Variants in TMEM72 observed in about 807,000 individuals in gnomAD.
TMEM72 encodes transmembrane protein 72.
In TMEM72, 9 loss-of-function variants were observed where a neutral mutation model predicts 16.3. That is an observed-to-expected ratio of 0.55 (90% CI 0.33 to 0.96). The LOEUF is 0.96. Among genes scored for constraint, TMEM72 ranks in the 40% least tolerant of loss-of-function variants. TMEM72 has a pLI of 0.03. For missense variants in TMEM72, 324 were observed against 337.8 expected (o/e 0.96, Z 0.32); for synonymous variants, 160 against 146.5 (o/e 1.09, Z -0.66).
rs1020096949 is a variant in TMEM72, at chr10:44,934,944, C to T, written c.638C>T (p.Ala213Val). The stretch of plus-strand genomic sequence containing the variant: ...CTGATGGAGCTGAGCCTGGAGCCAG[C>T]CGACTCCCTGGCCAAGAAGAAGCAG... ...NTLMELSLEP[A>V]DSLAKKKQVH... The change falls in exon 5 of 5, where the codon GCC becomes GTC. Residue 213 changes from alanine (A) to valine (V), a missense_variant. Transcript: ENST00000389583. 6.2e-7 allele frequency: 1 copy of T among 1,613,866 alleles called. No homozygotes were observed. Among genetic ancestry groups the T allele is most frequent in the African/African-American group, 1.3e-5 (1 of 75,070 alleles).
At chr10:44,913,450 A>ACG (rs919947680) in intron 1 of TMEM72, among the ~76,000 whole-genome samples, 72 of 146,432 alleles carry the variant, frequency 4.9e-4, no homozygotes, top group African/African-American at 1.9e-3. Flanking sequence ...TCCCATGTGC[A>ACG]CGCACACACA....
chr10:44,927,901 C>A lies in TMEM72; in HGVS notation c.71-20C>A. 1 of 1,613,608 alleles carries A rather than the reference C, an allele frequency of 6.2e-7. No individual in the cohort carries two copies. The highest frequency in any genetic ancestry group is 8.5e-7 in the Non-Finnish European group (1 of 1,179,840). On this transcript the variant is annotated intron_variant, in intron 1 of 4. Coordinates refer to ENST00000389583, the MANE Select transcript of TMEM72 (RefSeq NM_001123376.3). Reference sequence around the variant, plus strand: ...GTGTAGAGCACCAGGCCCACTCTTCCTTCTTCTCTTGCCCCTTAGTGTTGA... The same window carrying A: ...GTGTAGAGCACCAGGCCCACTCTTCATTCTTCTCTTGCCCCTTAGTGTTGA...
chr10:44,926,340 C>T (rs929840442), intron 1 of TMEM72, among the ~76,000 whole-genome samples: 4 of 152,164 alleles, frequency 2.6e-5, no homozygotes, highest in African/African-American at 4.8e-5. Context: ...TAGGCCCTCA[C>T]TGTCCAGCAT....
chr10:44,934,088 G>A (rs1249573172), intron 4 of TMEM72, among the ~76,000 whole-genome samples: 1 of 152,072 alleles, frequency 6.6e-6, no homozygotes, highest in African/African-American at 2.4e-5. Flanking sequence ...GGTGTGACAT[G>A]GCCACTTCCC....
chr10:44,927,996 G>C lies in TMEM72; in HGVS notation c.137+9G>C, dbSNP rs769046008. On this transcript the variant is annotated intron_variant, in intron 2 of 4. Coordinates refer to ENST00000389583, the MANE Select transcript of TMEM72 (RefSeq NM_001123376.3). ...CTGGCTTTCTATCTGCTGTGAGTAT[G>C]TGTGCATGTGCCACTTTTGACCTGC... 6.2e-7 allele frequency: 1 copy of C among 1,613,074 alleles called. No individual in the cohort carries two copies. Among genetic ancestry groups the C allele is most frequent in the African/African-American group, 1.3e-5 (1 of 74,908 alleles).
chr10:44,927,058 A>G (rs984642393), intron 1 of TMEM72, among the ~76,000 whole-genome samples: 1 of 152,154 alleles, frequency 6.6e-6, no homozygotes, highest in African/African-American at 2.4e-5. Context: ...ACTGGGAGGA[A>G]GAGAGGATGA....
Position 44,931,981 on chromosome 10 carries a change from C to G in TMEM72, c.138-17C>G, listed in dbSNP as rs201042333. On this transcript the variant is annotated splice_polypyrimidine_tract_variant and intron_variant, in intron 2 of 4. Coordinates refer to ENST00000389583, the MANE Select transcript of TMEM72 (RefSeq NM_001123376.3). ...AAGACAGAGGCGCCAGCCTCCCTCA[C>G]CTGTCTCCACCTGCAGGTTTACAGG... 1.2e-6 allele frequency: 2 copies of G among 1,609,664 alleles called. No individual in the cohort carries two copies. Among genetic ancestry groups the G allele is most frequent in the South Asian group, 1.1e-5 (1 of 90,008 alleles).
intron 1 of TMEM72, among the ~76,000 whole-genome samples, chr10:44,927,452 G>A (rs1840214119): frequency 8.0e-6 from 1 of 125,490 alleles, no homozygotes; most frequent in Admixed American, 7.8e-5. Context: ...AGCAATGAGT[G>A]TGACCTGCCG....
chr10:44,922,066 C>T lies in TMEM72; in HGVS notation c.71-5855C>T, dbSNP rs1317226280. On this transcript the variant is annotated intron_variant, in intron 1 of 4. Coordinates refer to ENST00000389583, the MANE Select transcript of TMEM72 (RefSeq NM_001123376.3). ...GAGGTGTGCCTCCCTAATTTTGAGC[C>T]CTGGTGTCCTTCTGGGCCCACTCTG... 4.6e-5 allele frequency among the ~76,000 whole-genome samples: 7 copies of T among 152,268 alleles called. No individual in the cohort carries two copies. The East Asian group carries it at 1.4e-3, about 29-fold the overall frequency.
At chr10:44,930,502 T>G (rs1289678511) in intron 2 of TMEM72, among the ~76,000 whole-genome samples, 1 of 152,170 alleles carries the variant, frequency 6.6e-6, no homozygotes, top group African/African-American at 2.4e-5. Context: ...TAGTGTTTAT[T>G]ATAATATAAT....
In TMEM72 at chr10:44,934,909, C is replaced by T. The variant is rs1414100303; in HGVS notation, c.603C>T (p.Pro201=). ...CTAAGAAGCCCAGTGCCCTCCAGCCCCCCAACACCCTGATGGAGCTGAGCC... is the reference window on the plus strand; with the variant it reads ...CTAAGAAGCCCAGTGCCCTCCAGCCTCCCAACACCCTGATGGAGCTGAGCC... ...KGTKKPSALQ[P]PNTLMELSLE... is the part of the protein sequence containing the mutation. The change falls in exon 5 of 5, where the codon CCC becomes CCT. Residue 201 remains proline (P), a synonymous_variant. Coordinates refer to ENST00000389583, the MANE Select transcript of TMEM72 (RefSeq NM_001123376.3). 1 of 1,613,602 alleles carries T rather than the reference C, an allele frequency of 6.2e-7. No individual in the cohort carries two copies. The highest frequency in any genetic ancestry group is 2.2e-5 in the East Asian group (1 of 44,856).
chr10:44,928,606 C>T (rs2132724851), intron 2 of TMEM72, among the ~76,000 whole-genome samples: 1 of 129,846 alleles, frequency 7.7e-6, no homozygotes, highest in Middle Eastern at 4.1e-3. Flanking sequence ...ACCTGCTTAT[C>T]CATCCATCTA....
intron 1 of TMEM72, among the ~76,000 whole-genome samples, chr10:44,927,405 C>G (rs78502989): frequency 7.2e-4 from 109 of 152,226 alleles, no homozygotes; most frequent in African/African-American, 2.4e-3. Flanking sequence ...CAGAGAAAAA[C>G]CCCAGGAGTT....
chr10:44,917,276 C>T (rs1379331937), intron 1 of TMEM72, among the ~76,000 whole-genome samples: 1 of 152,142 alleles, frequency 6.6e-6, no homozygotes, highest in African/African-American at 2.4e-5. Flanking sequence ...CATAGATTCT[C>T]ACTCAGCATG....
At chr10:44,930,441 G>A (rs1481088847) in intron 2 of TMEM72, among the ~76,000 whole-genome samples, 1 of 152,110 alleles carries the variant, frequency 6.6e-6, no homozygotes, top group African/African-American at 2.4e-5. Flanking sequence ...TTGGTGATGG[G>A]GCAAACCTCT....
intron 1 of TMEM72, among the ~76,000 whole-genome samples, chr10:44,915,153 G>A (rs1839995552): frequency 6.6e-6 from 1 of 152,198 alleles, no homozygotes. Flanking sequence ...GGGCACTTGA[G>A]CAAGGCCTCC....
chr10:44,934,140 G>A (rs934514215), intron 4 of TMEM72, among the ~76,000 whole-genome samples: 1 of 152,110 alleles, frequency 6.6e-6, no homozygotes, highest in South Asian at 2.1e-4. Context: ...TACTCATTCA[G>A]GTCCAAACTC....
intron 1 of TMEM72, among the ~76,000 whole-genome samples, chr10:44,927,025 GA>G (rs1840206629): frequency 6.6e-6 from 1 of 152,152 alleles, no homozygotes; most frequent in Admixed American, 6.5e-5. Context: ...AGCCAGGGAT[GA>G]CAGCCCAGCC....
At chr10:44,933,485 G>C in intron 3 of TMEM72, 152 bp from the exon 4 acceptor site, 6 of 1,039,622 alleles carry the variant, frequency 5.8e-6, no homozygotes, top group East Asian at 2.6e-5. Context: ...ACTCATTGTG[G>C]AACCCACACC....
Sources: allele counts gnomAD v4.1 joint callset (sites outside exome capture counted in the v4.1 genomes callset), GRCh38; gene constraint gnomAD v4.1.1; transcripts MANE v1.5; gene names NCBI Gene and HGNC (gene_info 2026-07-23, HGNC 2026-07-21).